The following TMEM123 variants were observed in gnomAD, a reference collection of about 807,000 sequenced individuals.
The protein encoded by TMEM123 is transmembrane protein 123.
Under a neutral mutation model 19.7 loss-of-function variants are expected in TMEM123, and 16 were observed. That is an observed-to-expected ratio of 0.81 (90% confidence interval 0.55 to 1.23). The LOEUF (loss-of-function observed/expected upper bound fraction) is 1.23. TMEM123 is among the 50% of genes most tolerant of loss of function. The pLI is 0.00. For missense variants in TMEM123, 313 were observed against 257.8 expected, an observed-to-expected ratio of 1.21 and a Z score of -1.47; for synonymous variants, 118 against 99.4, an observed-to-expected ratio of 1.19 and a Z score of -1.12.
rs1951883406 is a variant in TMEM123 at position 102,398,800 on chromosome 11, TTAA to T, written c.*64_*66del. The T allele has an allele frequency of 6.5e-7, 1 of 1,534,602 alleles. No individual in the cohort carries two copies. Among genetic ancestry groups the T allele is most frequent in the African/African-American group, 1.4e-5 (1 of 72,634 alleles). On this transcript the variant is annotated 3_prime_UTR_variant, in exon 5 of 5. Coordinates refer to ENST00000398136, the MANE Select transcript of TMEM123 (RefSeq NM_052932.3). Reference sequence around the variant, plus strand: ...AAAAAGAGAATATTGTTTTAAACTATTAATAAACCAAAATTAATTGATAGGGCA... The same window carrying T: ...AAAAAGAGAATATTGTTTTAAACTATTAAACCAAAATTAATTGATAGGGCA...
intron 2 of TMEM123, among the ~76,000 whole-genome samples, chr11:102,409,746 C>T (rs1265276332): frequency 1.3e-5 from 2 of 151,744 alleles, no homozygotes; most frequent in East Asian, 1.9e-4. Context: ...TGGTGGCGGG[C>T]GTCTGTAATC....
At chr11:102,447,755 G>C (rs1042393608) in intron 2 of TMEM123, among the ~76,000 whole-genome samples, 36 of 152,092 alleles carry the variant, frequency 2.4e-4, no homozygotes, top group African/African-American at 8.5e-4. Flanking sequence ...GTTTTCTGTA[G>C]AATTACTAAA....
chr11:102,444,528 C>T (rs1380533392), intron 2 of TMEM123, among the ~76,000 whole-genome samples: 2 of 149,838 alleles, frequency 1.3e-5, no homozygotes, highest in Non-Finnish European at 3.0e-5. Context: ...GAACATCACA[C>T]ACCAGGGCCT....
intron 2 of TMEM123, among the ~76,000 whole-genome samples, chr11:102,405,341 C>T (rs932003657): frequency 6.6e-6 from 1 of 152,106 alleles, no homozygotes; most frequent in Admixed American, 6.6e-5. Context: ...TGTGAGCCAC[C>T]GTGCCCGGCC....
chr11:102,447,943 G>T (rs547573978), intron 2 of TMEM123, among the ~76,000 whole-genome samples: 1 of 152,272 alleles, frequency 6.6e-6, no homozygotes, highest in Admixed American at 6.5e-5. Context: ...TACTGCCACT[G>T]ACCTTTACAC....
chr11:102,449,488 A>G (rs1256929147), intron 1 of TMEM123: 1 of 152,414 alleles, frequency 6.6e-6, no homozygotes, highest in Non-Finnish European at 1.5e-5. Context: ...AATATGTATA[A>G]CACATAGGGA....
At chr11:102,416,895 C>T (rs575138256) in intron 2 of TMEM123, among the ~76,000 whole-genome samples, 3 of 152,036 alleles carry the variant, frequency 2.0e-5, no homozygotes, top group South Asian at 2.1e-4. Flanking sequence ...AAAAAAACCA[C>T]GATCATCTCA....
At chr11:102,410,057 TAAC>T (rs1474720100) in intron 2 of TMEM123, among the ~76,000 whole-genome samples, 3 of 152,140 alleles carry the variant, frequency 2.0e-5, no homozygotes, top group African/African-American at 7.2e-5. Flanking sequence ...CACAGAAAAG[TAAC>T]AACTAGGGAT....
chr11:102,442,584 A>G (rs771332549), intron 2 of TMEM123, among the ~76,000 whole-genome samples: 1 of 152,210 alleles, frequency 6.6e-6, no homozygotes, highest in Admixed American at 6.5e-5. Context: ...CCCACAGCCA[A>G]TATCATACTG....
chr11:102,425,952 T>C (rs2135854694), intron 2 of TMEM123, among the ~76,000 whole-genome samples: 1 of 152,322 alleles, frequency 6.6e-6, no homozygotes, highest in African/African-American at 2.4e-5. Context: ...TTATTGTACT[T>C]AGCATACTGG....
At chr11:102,400,998 G>C (rs1291282818) in intron 4 of TMEM123, among the ~76,000 whole-genome samples, 1 of 152,204 alleles carries the variant, frequency 6.6e-6, no homozygotes, top group African/African-American at 2.4e-5. Flanking sequence ...AGTAAACATG[G>C]ATTAGGTCTT....
Position 102,452,572 on chromosome 11 carries a change from G to C in TMEM123, c.52C>G (p.Gln18Glu). 1 of 1,574,362 alleles carries C rather than the reference G, an allele frequency of 6.4e-7. No individual in the cohort carries two copies. Among genetic ancestry groups the C allele is most frequent in the Admixed American group, 1.7e-5 (1 of 57,900 alleles). The change falls in exon 1 of 5, where the codon CAG becomes GAG. Residue 18 changes from glutamine to glutamate, a missense_variant. Transcript: ENST00000398136. ...AWAALLLGTL[Q>E]VLALLGAAHE... ...GCGGCCCCCAGCAGCGCTAGCACCT[G>C]CAGCGTCCCCAGGAGCAGCGCGGCC...
intron 2 of TMEM123, 29 bp from the exon 3 acceptor site, chr11:102,402,235 C>T (rs1258515454): frequency 6.2e-7 from 1 of 1,602,218 alleles, no homozygotes; most frequent in South Asian, 1.1e-5. Context: ...ACATTAAAAC[C>T]AGAGCTATGA....
In TMEM123 at chr11:102,398,835, A is replaced by G. The variant is rs774914934; in HGVS notation, c.*32T>C. 2.5e-6 allele frequency: 4 copies of G among 1,607,092 alleles called. No homozygotes were observed. Among genetic ancestry groups the G allele is most frequent in the Admixed American group, 3.4e-5 (2 of 58,484 alleles). On this transcript the variant is annotated 3_prime_UTR_variant, in exon 5 of 5. Transcript: ENST00000398136. ...AAAATTAATTGATAGGGCAGCATCA[A>G]TCTGTATTCCATCCTTGGTCCATGG...
intron 1 of TMEM123, among the ~76,000 whole-genome samples, chr11:102,451,651 T>C (rs759583680): frequency 6.6e-6 from 1 of 152,232 alleles, no homozygotes; most frequent in Non-Finnish European, 1.5e-5. Flanking sequence ...TCTCTAACAG[T>C]TGACAAAGGA....
At chr11:102,404,440 C>T (rs561816299) in intron 2 of TMEM123, among the ~76,000 whole-genome samples, 3 of 151,558 alleles carry the variant, frequency 2.0e-5, no homozygotes, top group South Asian at 4.2e-4. Flanking sequence ...CATGCCACGA[C>T]GCCTGGCTAA....
rs540830490 is a variant in TMEM123 at position 102,424,936 on chromosome 11, C to G, written c.158-22730G>C. ...AGTTTTTCAGAAGCACACTCTTGGTCAAAGACAAAAATATGTTTTTATTTG... is the reference window on the plus strand; with the variant it reads ...AGTTTTTCAGAAGCACACTCTTGGTGAAAGACAAAAATATGTTTTTATTTG... On this transcript the variant is annotated intron_variant, in intron 2 of 4. Coordinates refer to ENST00000398136, the MANE Select transcript of TMEM123 (RefSeq NM_052932.3). Among the ~76,000 whole-genome samples the G allele has an allele frequency of 7.9e-5, 12 of 152,268 alleles. No individual in the cohort carries two copies. The South Asian group carries it at 2.5e-3, about 32-fold the overall frequency.
chr11:102,398,948 T>G (rs655139), intron 4 of TMEM123, 57 bp from the exon 5 acceptor site: 116,016 of 1,464,222 alleles, frequency 0.079, 5,243 homozygotes, highest in Middle Eastern at 0.12. Context: ...CAAAACTACT[T>G]ATGTTCCTAT....
chr11:102,429,471 T>A (rs1952157282), intron 2 of TMEM123, among the ~76,000 whole-genome samples: 1 of 152,172 alleles, frequency 6.6e-6, no homozygotes, highest in Non-Finnish European at 1.5e-5. Flanking sequence ...GCGTACAAAA[T>A]GAAGTTTCTA....
Sources: allele counts gnomAD v4.1 joint callset (sites outside exome capture counted in the v4.1 genomes callset), GRCh38; gene constraint gnomAD v4.1.1; transcripts MANE v1.5; gene names NCBI Gene and HGNC (gene_info 2026-07-23, HGNC 2026-07-21).